The following KDM4D variants were observed in gnomAD, a reference collection of about 807,000 sequenced individuals.
The protein encoded by KDM4D is lysine demethylase 4D, also known as lysine-specific demethylase 4D.
For synonymous variants in KDM4D, 254 were observed against 249.1 expected (o/e 1.02, Z -0.19); for missense variants, 427 against 674.8 (o/e 0.63, Z 4.07).
At chr11:94,990,050 T>C (rs61895492) in intron 2 of KDM4D, among the ~76,000 whole-genome samples, 18,698 of 152,178 alleles carry the variant, frequency 0.12, 1,247 homozygotes, top group Middle Eastern at 0.21. Flanking sequence ...TGAGCCACCA[T>C]GCCCAGCCTT....
intron 2 of KDM4D, among the ~76,000 whole-genome samples, chr11:94,985,830 A>T (rs79985071): frequency 6.6e-6 from 1 of 152,206 alleles, no homozygotes; most frequent in Non-Finnish European, 1.5e-5. Flanking sequence ...AAAGAAAACA[A>T]ATGGTGCTGG....
intron 2 of KDM4D, among the ~76,000 whole-genome samples, chr11:94,994,465 T>C (rs1857960517): frequency 6.6e-6 from 1 of 151,918 alleles, no homozygotes; most frequent in African/African-American, 2.4e-5. Context: ...AATAGGAAAT[T>C]TTAAGAGAGA....
intron 2 of KDM4D, among the ~76,000 whole-genome samples, chr11:94,977,252 A>G (rs1285991236): frequency 1.3e-5 from 2 of 152,228 alleles, no homozygotes; most frequent in Non-Finnish European, 2.9e-5. Context: ...AAAATTAATA[A>G]CATAGTTGGA....
intron 2 of KDM4D, among the ~76,000 whole-genome samples, chr11:94,995,522 T>A (rs1555099117): frequency 6.6e-6 from 1 of 152,066 alleles, no homozygotes; most frequent in African/African-American, 2.4e-5. Context: ...ACTTAAGAAC[T>A]GACGAAGAAG....
rs782555127 is a variant in KDM4D, at chr11:94,996,429, C to A, written c.-349-595C>A. Among the ~76,000 whole-genome samples, 28 of 152,302 alleles carry A rather than the reference C, an allele frequency of 1.8e-4. 1 individual carries two copies. Among genetic ancestry groups the A allele is most frequent in the Middle Eastern group, 6.8e-3 (2 of 294 alleles). On this transcript the variant is annotated intron_variant, in intron 2 of 2. Coordinates refer to ENST00000335080, the MANE Select transcript of KDM4D (RefSeq NM_018039.3). Reference sequence around the variant, plus strand: ...CATAGATTACTACACTTGATCTTAGCCAAAAGGCCAAGAAGCAATTCAAAC... The same window carrying A: ...CATAGATTACTACACTTGATCTTAGACAAAAGGCCAAGAAGCAATTCAAAC...
intron 1 of KDM4D, among the ~76,000 whole-genome samples, chr11:94,974,630 T>G (rs965428069): frequency 6.6e-6 from 1 of 152,148 alleles, no homozygotes; most frequent in Admixed American, 6.5e-5. Context: ...TCCTCCAGTC[T>G]TAACAAGTCT....
rs1163149356 is a variant in KDM4D at position 94,998,366 on chromosome 11, C to T, written c.994C>T (p.Arg332Cys). The T allele has an allele frequency of 1.9e-6, 3 of 1,614,044 alleles. No individual in the cohort carries two copies. Among genetic ancestry groups the T allele is most frequent in the East Asian group, 2.2e-5 (1 of 44,892 alleles). The change falls in exon 3 of 3, where the codon CGC (arginine) becomes TGC (cysteine). Residue 332 changes from arginine (R) to cysteine (C), a missense_variant. Coordinates refer to ENST00000335080, the MANE Select transcript of KDM4D (RefSeq NM_018039.3). This position sits in a 1 kb window ranked among gnomAD's most constrained non-coding sequence, Gnocchi z 6.7. Reference sequence around the variant, plus strand: ...CTTCGTGCGCATCCTGCAACCTGAACGCTATGACCTGTGGAAACGTGGGCA... The same window carrying T: ...CTTCGTGCGCATCCTGCAACCTGAATGCTATGACCTGTGGAAACGTGGGCA... ...DAFVRILQPE[R>C]YDLWKRGQDR...
At chr11:94,983,192 A>G (rs190624714) in intron 2 of KDM4D, among the ~76,000 whole-genome samples, 1 of 152,040 alleles carries the variant, frequency 6.6e-6, no homozygotes, top group Admixed American at 6.5e-5. Flanking sequence ...AAAGACATCT[A>G]TCCTTACATT....
At chr11:94,974,970 A>T (rs1041024281) in intron 1 of KDM4D, among the ~76,000 whole-genome samples, 2 of 152,236 alleles carry the variant, frequency 1.3e-5, no homozygotes, top group Admixed American at 1.3e-4. Context: ...TTAGAATAAA[A>T]ATCACATTTC....
At position 94,998,842 on chromosome 11, in the gene KDM4D, C is replaced by A; in HGVS notation, c.1470C>A (p.Pro490=). ...CAGCTTCGGGCCCAGAACCTGAGCC[C>A]CTACCTGAGGATGGGGCTTTGATGG... The part of the protein sequence containing the change: ...TCTASGPEPE[P]LPEDGALMDK... The change falls in exon 3 of 3, where the codon CCC becomes CCA. Residue 490 remains proline, a synonymous_variant. Coordinates refer to ENST00000335080, the MANE Select transcript of KDM4D (RefSeq NM_018039.3). This position sits in a 1 kb window ranked among gnomAD's most constrained non-coding sequence, Gnocchi z 6.7. 1 of 1,574,290 alleles carries A rather than the reference C, an allele frequency of 6.4e-7. No individual in the cohort carries two copies. Among genetic ancestry groups the A allele is most frequent in the Non-Finnish European group, 8.6e-7 (1 of 1,158,334 alleles).
chr11:94,982,369 C>CT (rs1200553648), intron 2 of KDM4D, among the ~76,000 whole-genome samples: 2 of 151,736 alleles, frequency 1.3e-5, no homozygotes, highest in Non-Finnish European at 2.9e-5. Flanking sequence ...CCTTGGGTCT[C>CT]TGTTATTCTC....
At chr11:94,978,772 G>T (rs1034584728) in intron 2 of KDM4D, among the ~76,000 whole-genome samples, 3 of 152,168 alleles carry the variant, frequency 2.0e-5, no homozygotes, top group Non-Finnish European at 4.4e-5. Context: ...TAAAAACCTT[G>T]ATGTAGCAAT....
intron 2 of KDM4D, among the ~76,000 whole-genome samples, chr11:94,980,094 T>C (rs1271417704): frequency 3.9e-5 from 6 of 152,240 alleles, no homozygotes; most frequent in Non-Finnish European, 8.8e-5. Context: ...CTGTCACTTA[T>C]TTGTGCTGCA....
intron 2 of KDM4D, among the ~76,000 whole-genome samples, chr11:94,976,414 C>CT (rs1296384723): frequency 6.6e-6 from 1 of 152,112 alleles, no homozygotes; most frequent in Non-Finnish European, 1.5e-5. Flanking sequence ...TTCTCATCTC[C>CT]TTTTTTCCGC....
Position 94,998,500 on chromosome 11 carries a change from A to C in KDM4D, c.1128A>C (p.Gln376His), listed in dbSNP as rs1211614900. 1 of 1,611,228 alleles carries C rather than the reference A, an allele frequency of 6.2e-7. No homozygotes were observed. Among genetic ancestry groups the C allele is most frequent in the East Asian group, 2.2e-5 (1 of 44,798 alleles). ...LPRRAALGLRQLPSHWARHSP... is the reference protein window; with the variant it reads ...LPRRAALGLRHLPSHWARHSP... ...GGAGAGCAGCGCTGGGCCTGAGACA[A>C]CTCCCTTCCCACTGGGCCCGGCATT... Residue 376 changes from glutamine (Q) to histidine (H), a missense_variant, in exon 3 of 3, where the codon CAA becomes CAC. By Grantham distance (24) the Gln-to-His change is conservative. Coordinates refer to ENST00000335080, the MANE Select transcript of KDM4D (RefSeq NM_018039.3). The surrounding 1 kb of genome is among the most constrained non-coding windows in gnomAD (Gnocchi z 6.7).
At chr11:94,981,861 C>A (rs587650742) in intron 2 of KDM4D, among the ~76,000 whole-genome samples, 1 of 151,362 alleles carries the variant, frequency 6.6e-6, no homozygotes, top group South Asian at 2.1e-4. Flanking sequence ...TATTTCTCTT[C>A]TTTTTCTTTC....
At chr11:94,992,874 A>G (rs1401317413) in intron 2 of KDM4D, among the ~76,000 whole-genome samples, 2 of 152,214 alleles carry the variant, frequency 1.3e-5, no homozygotes, top group East Asian at 3.8e-4. Flanking sequence ...TATGCTTATA[A>G]ATTATTTTAA....
rs781865879 is a variant in KDM4D, at chr11:94,998,349, G to A, written c.977G>A (p.Arg326His). 9 of 1,613,988 alleles carry A rather than the reference G, an allele frequency of 5.6e-6. No individual in the cohort carries two copies. The highest frequency in any genetic ancestry group is 6.8e-6 in the Non-Finnish European group (8 of 1,180,014). ...RVTFSMDAFV[R>H]ILQPERYDLW... ...ACCTTTTCCATGGATGCCTTCGTGCGCATCCTGCAACCTGAACGCTATGAC... is the reference window on the plus strand; with the variant it reads ...ACCTTTTCCATGGATGCCTTCGTGCACATCCTGCAACCTGAACGCTATGAC... The change falls in exon 3 of 3, where the codon CGC becomes CAC. Residue 326 changes from arginine (R) to histidine (H), a missense_variant. Arg to His is a conservative substitution (Grantham distance 29, BLOSUM62 0). Coordinates refer to ENST00000335080, the MANE Select transcript of KDM4D (RefSeq NM_018039.3). The surrounding 1 kb of genome is among the most constrained non-coding windows in gnomAD (Gnocchi z 6.7).
chr11:94,976,051 A>G (rs1857794830), intron 2 of KDM4D, among the ~76,000 whole-genome samples: 1 of 152,230 alleles, frequency 6.6e-6, no homozygotes, highest in African/African-American at 2.4e-5. Context: ...AGAAAATGAA[A>G]CTAAAGCTTT....
Sources: allele counts gnomAD v4.1 joint callset (sites outside exome capture counted in the v4.1 genomes callset), GRCh38; gene constraint gnomAD v4.1.1; non-coding constraint Gnocchi (gnomAD v3.1); transcripts MANE v1.5; gene names NCBI Gene and HGNC (gene_info 2026-07-23, HGNC 2026-07-21).